NAP1L3: variants seen among roughly 807,000 people sequenced by gnomAD.
NAP1L3 encodes the protein nucleosome assembly protein 1 like 3.
For missense variants in NAP1L3, 378 were observed against 369.9 expected (o/e 1.02, Z -0.18); for synonymous variants, 127 against 131.9 (o/e 0.96, Z 0.25).
chrX:93,673,216 C>T lies in NAP1L3; in HGVS notation c.89G>A (p.Gly30Glu). 8.3e-7 allele frequency: 1 copy of T among 1,211,024 alleles called. No individual in the cohort carries two copies. Among genetic ancestry groups the T allele is most frequent in the Non-Finnish European group, 1.1e-6 (1 of 894,880 alleles). The change falls in exon 1 of 1, where the codon GGG (glycine) becomes GAG (glutamate). Residue 30 changes from glycine to glutamate, a missense_variant. By Grantham distance (98) the Gly-to-Glu change is moderately conservative (BLOSUM62 -2). Coordinates refer to ENST00000373079, the MANE Select transcript of NAP1L3 (RefSeq NM_004538.6). Reference sequence around the variant, plus strand: ...AGAGCTACTGCTGTCAGATTCTTCCCCAGAATCACTAGTCGAGCTAGCCAT... The same window carrying T: ...AGAGCTACTGCTGTCAGATTCTTCCTCAGAATCACTAGTCGAGCTAGCCAT... ...EEMASSTSDS[G>E]EESDSSSSSS...
At position 93,671,045 on chromosome X, in the gene NAP1L3, A is replaced by T; in HGVS notation, c.*739T>A. On this transcript the variant is annotated 3_prime_UTR_variant, in exon 1 of 1. Transcript: ENST00000373079. Reference sequence around the variant, plus strand: ...AGTGAAAGGGAAGGTAGAACACAATACAAAGAAAACACGGTATCTTTAGTT... The same window carrying T: ...AGTGAAAGGGAAGGTAGAACACAATTCAAAGAAAACACGGTATCTTTAGTT... 8.9e-6 allele frequency: 1 copy of T among 112,200 alleles called. No individual in the cohort carries two copies. Among genetic ancestry groups the T allele is most frequent in the South Asian group, 3.7e-4 (1 of 2,714 alleles). The allele number at this position is 112,200 out of a possible 1,213,427, so 9.2% of individuals were successfully genotyped here.
rs1924451933 is a variant in NAP1L3 at position 93,673,298 on chromosome X, C to T, written c.7G>A (p.Glu3Lys). MA[E>K]ADFKMVSEPV... The stretch of plus-strand genomic sequence containing the variant: ...TCCGAGACCATTTTAAAATCTGCTT[C>T]TGCCATCTTGCAAGCCTACAAACTC... The change falls in exon 1 of 1, where the codon GAA (glutamate) becomes AAA (lysine). Residue 3 changes from glutamate to lysine, a missense_variant. Physicochemically the swap from Glu to Lys is moderately conservative, Grantham distance 56. Transcript: ENST00000373079. 2 of 1,185,413 alleles carry T rather than the reference C, an allele frequency of 1.7e-6. No homozygotes were observed. The highest frequency in any genetic ancestry group is 2.3e-6 in the Non-Finnish European group (2 of 880,519).
Position 93,672,429 on chromosome X carries a change from A to T in NAP1L3, c.876T>A (p.Ser292Arg), listed in dbSNP as rs1275051408. The change falls in exon 1 of 1, where the codon AGT (serine) becomes AGA (arginine). Residue 292 changes from serine (S) to arginine (R), a missense_variant. Physicochemically the swap from Ser to Arg is moderately radical, Grantham distance 110 (BLOSUM62 -1). Transcript: ENST00000373079. ...CCTTCCTAGCTCTTTTAAGATCTAC[A>T]CTGTCCTGAAGCCTTTCCTCAGGAA... is the stretch of plus-strand genomic sequence containing the variant. The part of the protein sequence containing the change: ...KRVPEERLQD[S>R]VDLKRARKGK... The T allele has an allele frequency of 8.3e-7, 1 of 1,209,302 alleles. No individual in the cohort carries two copies. Among genetic ancestry groups the T allele is most frequent in the Non-Finnish European group, 1.1e-6 (1 of 895,075 alleles).
rs943786071 is a variant in NAP1L3 at position 93,673,546 on chromosome X, G to A, written c.-242C>T. 1 of 415,590 alleles carries A rather than the reference G, an allele frequency of 2.4e-6. No homozygotes were observed. The highest frequency in any genetic ancestry group is 6.2e-5 in the South Asian group (1 of 16,062). 34.2% of individuals were successfully genotyped at this position (415,590 alleles called of 1,213,427 possible). On this transcript the variant is annotated 5_prime_UTR_variant, in exon 1 of 1. Coordinates refer to ENST00000373079, the MANE Select transcript of NAP1L3 (RefSeq NM_004538.6). The stretch of plus-strand genomic sequence containing the variant: ...GGCCTCTCCCGGCTGCAGCTAGAGT[G>A]CCGAGATGTACCGCAGCCGAATGGC...
chrX:93,672,309 A>G lies in NAP1L3; in HGVS notation c.996T>C (p.Tyr332=), dbSNP rs1370703054. The G allele has an allele frequency of 7.4e-6, 9 of 1,209,755 alleles. No individual in the cohort carries two copies. Among genetic ancestry groups the G allele is most frequent in the Non-Finnish European group, 8.9e-6 (8 of 895,237 alleles). ...ACAAGAACTTCAGAATGGGCTCATC[A>G]TACTTCTGAATCATAGGCCCGAGCT... The part of the protein sequence containing the change: ...VDKLGPMIQK[Y]DEPILKFLSD... Residue 332 remains tyrosine, a synonymous_variant, in exon 1 of 1, where the codon TAT becomes TAC. Transcript: ENST00000373079.
At position 93,671,058 on chromosome X, in the gene NAP1L3, G is replaced by A. The variant is rs1389119406; in HGVS notation, c.*726C>T. 2 of 111,450 alleles carry A rather than the reference G, an allele frequency of 1.8e-5. No individual in the cohort carries two copies. 9.2% of individuals were successfully genotyped at this position (111,450 alleles called of 1,213,427 possible). On this transcript the variant is annotated 3_prime_UTR_variant, in exon 1 of 1. Transcript: ENST00000373079. ...GTAGAACACAATACAAAGAAAACAC[G>A]GTATCTTTAGTTTACAATTACACAA...
chrX:93,672,667 A>C lies in NAP1L3; in HGVS notation c.638T>G (p.Ile213Ser). 1 of 1,210,844 alleles carries C rather than the reference A, an allele frequency of 8.3e-7. No individual in the cohort carries two copies. The highest frequency in any genetic ancestry group is 1.1e-6 in the Non-Finnish European group (1 of 895,384). Residue 213 changes from isoleucine (I) to serine (S), a missense_variant, in exon 1 of 1, where the codon ATT becomes AGT. By Grantham distance (142) the Ile-to-Ser change is moderately radical. Coordinates refer to ENST00000373079, the MANE Select transcript of NAP1L3 (RefSeq NM_004538.6). ...KAEEKEVPKE[I>S]PEVKDEEKEV... Reference sequence around the variant, plus strand: ...CTTTTCTTCATCCTTCACCTCAGGAATTTCTTTAGGAACTTCCTTCTCTTC... The same window carrying C: ...CTTTTCTTCATCCTTCACCTCAGGACTTTCTTTAGGAACTTCCTTCTCTTC...
chrX:93,673,027 C>T lies in NAP1L3; in HGVS notation c.278G>A (p.Gly93Glu). The change falls in exon 1 of 1, where the codon GGA becomes GAA. Residue 93 changes from glycine to glutamate, a missense_variant. Physicochemically the swap from Gly to Glu is moderately conservative, Grantham distance 98. Coordinates refer to ENST00000373079, the MANE Select transcript of NAP1L3 (RefSeq NM_004538.6). ...PSRRARRAPL[G>E]TNFVDRLPQA... ...AGGCAGCCTATCCACGAAATTTGTTCCCAACGGGGCCCGCCGCGCCCTTCT... is the reference window on the plus strand; with the variant it reads ...AGGCAGCCTATCCACGAAATTTGTTTCCAACGGGGCCCGCCGCGCCCTTCT... 1 of 1,210,363 alleles carries T rather than the reference C, an allele frequency of 8.3e-7. No homozygotes were observed.
Position 93,672,534 on chromosome X carries a change from C to T in NAP1L3, c.771G>A (p.Gln257=). The T allele has an allele frequency of 8.3e-7, 1 of 1,211,378 alleles. No homozygotes were observed. The change falls in exon 1 of 1, where the codon CAG becomes CAA. Residue 257 remains glutamine, a synonymous_variant. Transcript: ENST00000373079. ...GCTGTTCTTTATCATCTGCCTTTAC[C>T]TGGGGGACTTCTTTAGGATCTTCTT... ...EVKEDPKEVP[Q]VKADDKEQPK...
chrX:93,673,121 T>TGCTGCTGCC lies in NAP1L3; in HGVS notation c.175_183dup (p.Gly59_Ser61dup), dbSNP rs758027449. 1 of 1,193,548 alleles carries TGCTGCTGCC rather than the reference T, an allele frequency of 8.4e-7. No homozygotes were observed. The highest frequency in any genetic ancestry group is 1.8e-5 in the African/African-American group (1 of 56,699). On this transcript the variant is annotated inframe_insertion, in exon 1 of 1. Transcript: ENST00000373079. ...CTGCTAGTGCTGCCGCTGCTGCTGCTGCTGCTGCCGCTGCCGCTGCTGCTG... is the reference window on the plus strand; with the variant it reads ...CTGCTAGTGCTGCCGCTGCTGCTGCTGCTGCTGCCGCTGCTGCCGCTGCCGCTGCTGCTG...
chrX:93,672,722 T>C lies in NAP1L3; in HGVS notation c.583A>G (p.Asn195Asp), dbSNP rs775709547. The C allele has an allele frequency of 9.1e-6, 11 of 1,208,906 alleles. No individual in the cohort carries two copies. The highest frequency in any genetic ancestry group is 1.1e-5 in the Non-Finnish European group (10 of 895,105). ...TTCACCTCTGGGTTTTCTTTAGGGT[T>C]TTCTTCTTCCTCACCCTCTAAGGGA... ...MPPLEGEEEE[N>D]PKENPEVKAE... The change falls in exon 1 of 1, where the codon AAC (asparagine) becomes GAC (aspartate). Residue 195 changes from asparagine (N) to aspartate (D), a missense_variant. Transcript: ENST00000373079.
At position 93,672,048 on chromosome X, in the gene NAP1L3, A is replaced by C. The variant is rs768919796; in HGVS notation, c.1257T>G (p.Ser419Arg). 1 of 1,197,060 alleles carries C rather than the reference A, an allele frequency of 8.4e-7. No individual in the cohort carries two copies. Among genetic ancestry groups the C allele is most frequent in the South Asian group, 1.8e-5 (1 of 55,261 alleles). The stretch of plus-strand genomic sequence containing the variant: ...CAATTTCTCCAGTAGCAGTTGTGCG[A>C]CTCTGGGTAGTTGTCACAGTAACAT... Reference protein sequence around the residue: ...GKDVTVTTTQSRTTATGEIEI... With the variant: ...GKDVTVTTTQRRTTATGEIEI... Residue 419 changes from serine (S) to arginine (R), a missense_variant, in exon 1 of 1, where the codon AGT becomes AGG. Transcript: ENST00000373079.
At position 93,673,508 on chromosome X, in the gene NAP1L3, G is replaced by T. The variant is rs1924461759; in HGVS notation, c.-204C>A. The T allele has an allele frequency of 1.6e-6, 1 of 610,506 alleles. No individual in the cohort carries two copies. The highest frequency in any genetic ancestry group is 4.5e-5 in the Admixed American group (1 of 22,181). The allele number at this position is 610,506 out of a possible 1,213,427, so 50.3% of individuals were successfully genotyped here. A position where few individuals can be genotyped will look rare whatever the true frequency, so the allele number is the denominator to read the frequency against. On this transcript the variant is annotated 5_prime_UTR_variant, in exon 1 of 1. In the 5' UTR this introduces an upstream ATG that the reference lacks. Coordinates refer to ENST00000373079, the MANE Select transcript of NAP1L3 (RefSeq NM_004538.6). Reference sequence around the variant, plus strand: ...AGCGGCAGTGGAGGCTTGGGCGACAGCGGTGGCGGCAAGGCCTCTCCCGGC... The same window carrying T: ...AGCGGCAGTGGAGGCTTGGGCGACATCGGTGGCGGCAAGGCCTCTCCCGGC...
rs1924458482 is a variant in NAP1L3, at chrX:93,673,410, T to TGGCAGCGGCGATGGC, written c.-121_-107dup. On this transcript the variant is annotated 5_prime_UTR_variant, in exon 1 of 1. Coordinates refer to ENST00000373079, the MANE Select transcript of NAP1L3 (RefSeq NM_004538.6). ...GCGGCGGAGGCCCGGGCTGCGGAGG[T>TGGCAGCGGCGATGGC]GGCAGCGGCGATGGCAGCAGCGGCG... The TGGCAGCGGCGATGGC allele has an allele frequency of 8.2e-6, 9 of 1,092,731 alleles. No individual in the cohort carries two copies. Among genetic ancestry groups the TGGCAGCGGCGATGGC allele is most frequent in the Non-Finnish European group, 1.1e-5 (9 of 831,406 alleles). 90.1% of individuals were successfully genotyped at this position (1,092,731 alleles called of 1,213,427 possible).
chrX:93,672,988 T>C lies in NAP1L3; in HGVS notation c.317A>G (p.Asn106Ser), dbSNP rs761537765. Reference protein sequence around the residue: ...FVDRLPQAVRNRVQALRNIQD... With the variant: ...FVDRLPQAVRSRVQALRNIQD... ...AATGTTTCTAAGCGCTTGCACACGA[T>C]TTCTAACTGCCTGAGGCAGCCTATC... The change falls in exon 1 of 1, where the codon AAT (asparagine) becomes AGT (serine). Residue 106 changes from asparagine to serine, a missense_variant. Asn to Ser is a conservative substitution (Grantham distance 46). Transcript: ENST00000373079. The C allele has an allele frequency of 8.3e-7, 1 of 1,210,176 alleles. No individual in the cohort carries two copies. The highest frequency in any genetic ancestry group is 1.1e-6 in the Non-Finnish European group (1 of 895,309).
chrX:93,673,290 A>C lies in NAP1L3; in HGVS notation c.15T>G (p.Asp5Glu). The C allele has an allele frequency of 8.4e-7, 1 of 1,188,514 alleles. No individual in the cohort carries two copies. Among genetic ancestry groups the C allele is most frequent in the Non-Finnish European group, 1.1e-6 (1 of 882,254 alleles). ...CGACAGGTTCCGAGACCATTTTAAA[A>C]TCTGCTTCTGCCATCTTGCAAGCCT... The part of the protein sequence containing the change: MAEA[D>E]FKMVSEPVAH... The change falls in exon 1 of 1, where the codon GAT becomes GAG. Residue 5 changes from aspartate (D) to glutamate (E), a missense_variant. By Grantham distance (45) the Asp-to-Glu change is conservative (BLOSUM62 2). Transcript: ENST00000373079.
rs1430733295 is a variant in NAP1L3, at chrX:93,672,392, T to G, written c.913A>C (p.Arg305=). 8.3e-7 allele frequency: 1 copy of G among 1,211,238 alleles called. No homozygotes were observed. The highest frequency in any genetic ancestry group is 1.7e-5 in the African/African-American group (1 of 57,638). Residue 305 remains arginine, a synonymous_variant, in exon 1 of 1, where the codon AGA becomes CGA. Transcript: ENST00000373079. ...TCAGGAATGCCTTTAGGGTCTTCTC[T>G]TTTAGGCTTTCCCTTCCTAGCTCTT... ...LKRARKGKPK[R]EDPKGIPDYW...
Position 93,673,402 on chromosome X carries a change from TG to T in NAP1L3, c.-99del. On this transcript the variant is annotated 5_prime_UTR_variant, in exon 1 of 1. Coordinates refer to ENST00000373079, the MANE Select transcript of NAP1L3 (RefSeq NM_004538.6). ...GAGTGGCGGCGGCGGAGGCCCGGGC[TG>T]CGGAGGTGGCAGCGGCGATGGCAGC... 9.0e-7 allele frequency: 1 copy of T among 1,107,713 alleles called. No homozygotes were observed. The allele number at this position is 1,107,713 out of a possible 1,213,427, so 91.3% of individuals were successfully genotyped here. A position where few individuals can be genotyped will look rare whatever the true frequency, so the allele number is the denominator to read the frequency against.
Position 93,673,136 on chromosome X carries a change from C to CGCTGCTGCTGCCACTAGTGCT in NAP1L3, c.148_168dup (p.Ser50_Ser56dup). The CGCTGCTGCTGCCACTAGTGCT allele has an allele frequency of 2.5e-6, 3 of 1,195,983 alleles. No homozygotes were observed. The highest frequency in any genetic ancestry group is 3.4e-6 in the Non-Finnish European group (3 of 886,905). On this transcript the variant is annotated inframe_insertion, in exon 1 of 1. Transcript: ENST00000373079. ...CTGCTGCTGCTGCTGCTGCCGCTGC[C>CGCTGCTGCTGCCACTAGTGCT]GCTGCTGCTGCCACTAGTGCTGCTG...
Sources: allele counts gnomAD v4.1 joint callset, GRCh38; gene constraint gnomAD v4.1.1; transcripts MANE v1.5; gene names NCBI Gene and HGNC (gene_info 2026-07-23, HGNC 2026-07-21).